The following TMPRSS15 variants were observed in gnomAD, a reference collection of about 807,000 sequenced individuals.
TMPRSS15 encodes the protein transmembrane serine protease 15.
A neutral mutation model predicts 125.3 loss-of-function variants in TMPRSS15; 128 were observed. That is an observed-to-expected ratio of 1.02 (90% confidence interval 0.89 to 1.18). The LOEUF (loss-of-function observed/expected upper bound fraction) is 1.18. Among genes scored for constraint, TMPRSS15 ranks in the 50% most tolerant of loss-of-function variants. The pLI is 0.00. For missense variants in TMPRSS15, 1,283 were observed against 1,212.7 expected (o/e 1.06, Z -0.86); for synonymous variants, 446 against 423.2 (o/e 1.05, Z -0.66).
chr21:18,355,403 T>G (rs1431984889), intron 8 of TMPRSS15, among the ~76,000 whole-genome samples: 1 of 151,840 alleles, frequency 6.6e-6, no homozygotes, highest in Non-Finnish European at 1.5e-5. Flanking sequence ...GAGCTTACCT[T>G]GAATTCCATT....
At chr21:18,359,658 T>C in intron 8 of TMPRSS15, 99 bp downstream of exon 8, 1 of 620,046 alleles carries the variant, frequency 1.6e-6, no homozygotes, top group Non-Finnish European at 2.9e-6. Context: ...AAGTTTCAAG[T>C]CCATATTCAC....
chr21:18,485,072 C>A (rs915551985), intron 1 of TMPRSS15, among the ~76,000 whole-genome samples: 1 of 151,548 alleles, frequency 6.6e-6, no homozygotes, highest in African/African-American at 2.4e-5. Flanking sequence ...TAATATAGTT[C>A]TTATACATAT....
intron 14 of TMPRSS15, 79 bp from the exon 15 acceptor site, chr21:18,329,373 A>G: frequency 7.1e-7 from 1 of 1,399,672 alleles, no homozygotes; most frequent in South Asian, 1.4e-5. Flanking sequence ...TGAGAATTTC[A>G]AATAACTTAA....
In TMPRSS15 at chr21:18,334,026, C is replaced by T. The variant is rs529309338; in HGVS notation, c.1565-1853G>A. Among the ~76,000 whole-genome samples the T allele has an allele frequency of 2.6e-5, 4 of 152,120 alleles. No individual in the cohort carries two copies. In the South Asian group the frequency reaches 8.3e-4, roughly 32 times the overall value. ...GCATATAATACTGAGATTATTTACC[C>T]CCAATAAACTAGAAATCAGATTTTG... On this transcript the variant is annotated intron_variant, in intron 13 of 24. Transcript: ENST00000284885.
intron 1 of TMPRSS15, among the ~76,000 whole-genome samples, chr21:18,481,432 T>G (rs1040636951): frequency 1.3e-5 from 2 of 151,848 alleles, no homozygotes; most frequent in African/African-American, 4.8e-5. Context: ...AACATGTGAT[T>G]TATTATGTTA....
chr21:18,462,531 T>C (rs1978570900), intron 1 of TMPRSS15, among the ~76,000 whole-genome samples: 1 of 152,066 alleles, frequency 6.6e-6, no homozygotes, highest in Admixed American at 6.6e-5. Flanking sequence ...AAGAACACCA[T>C]TATATTTGAA....
chr21:18,380,857 A>G (rs1459099406), intron 4 of TMPRSS15, among the ~76,000 whole-genome samples: 4 of 152,168 alleles, frequency 2.6e-5, no homozygotes, highest in African/African-American at 9.6e-5. Flanking sequence ...TATTAATCAT[A>G]GTTCTATAGA....
At chr21:18,465,255 G>A (rs891537480) in intron 1 of TMPRSS15, among the ~76,000 whole-genome samples, 4 of 152,046 alleles carry the variant, frequency 2.6e-5, no homozygotes, top group East Asian at 1.9e-4. Flanking sequence ...CTGATGGAAC[G>A]TATCTCAAAA....
intron 8 of TMPRSS15, among the ~76,000 whole-genome samples, chr21:18,355,390 C>T (rs2147012100): frequency 6.6e-6 from 1 of 151,876 alleles, no homozygotes; most frequent in Admixed American, 6.6e-5. Flanking sequence ...CTAAAAAGTC[C>T]AGGAGCTTAC....
chr21:18,280,586 A>AAAAACAAACAAAC (rs1555890684), intron 22 of TMPRSS15, among the ~76,000 whole-genome samples: 1 of 148,976 alleles, frequency 6.7e-6, no homozygotes, highest in African/African-American at 2.6e-5. Flanking sequence ...AAAAAAAAAA[A>AAAAACAAACAAAC]AAAAAAAAAC....
intron 24 of TMPRSS15, among the ~76,000 whole-genome samples, chr21:18,271,101 C>A (rs918950297): frequency 6.6e-6 from 1 of 152,046 alleles, no homozygotes; most frequent in African/African-American, 2.4e-5. Context: ...CCCCTCCATA[C>A]ACAGGAACAT....
At chr21:18,440,386 A>AG (rs1555912655) in intron 1 of TMPRSS15, among the ~76,000 whole-genome samples, 2 of 133,530 alleles carry the variant, frequency 1.5e-5, no homozygotes, top group Non-Finnish European at 1.6e-5. Context: ...AAAAAAAAAA[A>AG]AAAGAAAACT....
intron 18 of TMPRSS15, among the ~76,000 whole-genome samples, chr21:18,305,118 G>A (rs1025288113): frequency 6.6e-6 from 1 of 150,914 alleles, no homozygotes; most frequent in Non-Finnish European, 1.5e-5. Flanking sequence ...CAGACTGCTG[G>A]GCCTTACGCT....
chr21:18,388,766 CA>C, intron 3 of TMPRSS15, among the ~76,000 whole-genome samples: 1 of 152,190 alleles, frequency 6.6e-6, no homozygotes, highest in South Asian at 2.1e-4. Context: ...AGTGAACCAA[CA>C]AAAAATAAAA....
At chr21:18,295,186 G>A (rs376218590) in intron 19 of TMPRSS15, among the ~76,000 whole-genome samples, 3 of 152,270 alleles carry the variant, frequency 2.0e-5, no homozygotes, top group African/African-American at 7.2e-5. Flanking sequence ...CTGCTTTCAA[G>A]GAAGGCAGAC....
intron 24 of TMPRSS15, among the ~76,000 whole-genome samples, chr21:18,274,857 A>G (rs191644904): frequency 2.6e-5 from 4 of 152,174 alleles, no homozygotes; most frequent in African/African-American, 9.7e-5. Context: ...TGGGGTTTAA[A>G]ATAATTGGAA....
chr21:18,329,405 A>C (rs1426635407), intron 14 of TMPRSS15, 111 bp from the exon 15 acceptor site: 4 of 1,162,142 alleles, frequency 3.4e-6, no homozygotes, highest in African/African-American at 3.1e-5. Flanking sequence ...TTTTTTTTCC[A>C]CTTCATGAAA....
chr21:18,315,237 A>T lies in TMPRSS15; in HGVS notation c.1941T>A (p.His647Gln), dbSNP rs2075150075. The T allele has an allele frequency of 6.2e-7, 1 of 1,613,628 alleles. No homozygotes were observed. The highest frequency in any genetic ancestry group is 8.5e-7 in the Non-Finnish European group (1 of 1,179,878). The change falls in exon 17 of 25, where the codon CAT (histidine) becomes CAA (glutamine). Residue 647 changes from histidine to glutamine, a missense_variant. Physicochemically the swap from His to Gln is conservative, Grantham distance 24. Coordinates refer to ENST00000284885, the MANE Select transcript of TMPRSS15 (RefSeq NM_002772.3). Reference sequence around the variant, plus strand: ...CACACTCTCCATTTTTACATTGAAAATGGTCTGCCTTGCATGGCTCTATGG... The same window carrying T: ...CACACTCTCCATTTTTACATTGAAATTGGTCTGCCTTGCATGGCTCTATGG... Reference protein sequence around the residue: ...LGIPEPCKADHFQCKNGECVP... With the variant: ...LGIPEPCKADQFQCKNGECVP...
chr21:18,344,122 T>C (rs2075480736), intron 10 of TMPRSS15, 62 bp from the exon 11 acceptor site: 7 of 1,372,054 alleles, frequency 5.1e-6, no homozygotes, highest in Middle Eastern at 2.5e-4. Flanking sequence ...GTGTGACAAG[T>C]AGACTTTGTA....
Sources: allele counts gnomAD v4.1 joint callset (sites outside exome capture counted in the v4.1 genomes callset), GRCh38; gene constraint gnomAD v4.1.1; transcripts MANE v1.5; gene names NCBI Gene and HGNC (gene_info 2026-07-23, HGNC 2026-07-21).